The following TENM3 variants were observed in gnomAD, a reference collection of about 807,000 sequenced individuals.
TENM3 encodes teneurin transmembrane protein 3.
TENM3 carries 63 observed loss-of-function variants against 255.1 expected under a neutral mutation model. The observed-to-expected ratio is 0.25, with a 90% CI of 0.20 to 0.30. The LOEUF is 0.30. Among genes scored for constraint, TENM3 ranks in the 10% least tolerant of loss-of-function variants. TENM3 has a pLI of 1.00. For synonymous variants in TENM3, 1,306 were observed against 1,322.3 expected, an observed-to-expected ratio of 0.99 and a Z score of 0.27; for missense variants, 2,929 against 3,461.1, an observed-to-expected ratio of 0.85 and a Z score of 3.86.
chr4:182,700,255 G>T (rs1403274180), intron 12 of TENM3, among the ~76,000 whole-genome samples: 1 of 152,186 alleles, frequency 6.6e-6, no homozygotes, highest in Non-Finnish European at 1.5e-5. Flanking sequence ...TTTAATGTAA[G>T]GGTAGAGAAA....
chr4:182,458,842 T>C (rs1213637899), intron 3 of TENM3, among the ~76,000 whole-genome samples: 1 of 152,178 alleles, frequency 6.6e-6, no homozygotes, highest in Non-Finnish European at 1.5e-5. Flanking sequence ...AGGAGTGTGC[T>C]TACTCACCAG....
rs1030829055 is a variant in TENM3 at position 182,527,412 on chromosome 4, C to T, written c.512-73512C>T. On this transcript the variant is annotated intron_variant, in intron 3 of 27. Coordinates refer to ENST00000511685, the MANE Select transcript of TENM3 (RefSeq NM_001080477.4). Reference sequence around the variant, plus strand: ...CGTTAGACTTTAAATGAAGGAAAGGCTCGTGATTGTGTTACTAAAACAAAC... The same window carrying T: ...CGTTAGACTTTAAATGAAGGAAAGGTTCGTGATTGTGTTACTAAAACAAAC... Among the ~76,000 whole-genome samples the T allele has an allele frequency of 6.6e-5, 10 of 151,566 alleles. No homozygotes were observed. The East Asian group carries it at 1.7e-3, about 27-fold the overall frequency.
At chr4:182,624,103 C>T (rs778388294) in intron 4 of TENM3, among the ~76,000 whole-genome samples, 1 of 152,144 alleles carries the variant, frequency 6.6e-6, no homozygotes, top group Non-Finnish European at 1.5e-5. Flanking sequence ...AGGAATCACG[C>T]GGGGAGGCCA....
intron 1 of TENM3, among the ~76,000 whole-genome samples, chr4:182,193,795 A>T (rs1217098242): frequency 6.6e-6 from 1 of 152,204 alleles, no homozygotes; most frequent in African/African-American, 2.4e-5. Context: ...CCATTTTAGC[A>T]TAGATTTGAA....
rs553878281 is a variant in TENM3 at position 182,789,064 on chromosome 4, A to AT, written c.5305-25dup. The AT allele has an allele frequency of 2.5e-4, 396 of 1,566,682 alleles. 2 individuals are homozygous for AT. The African/African-American group carries it at 4.9e-3, about 19-fold the overall frequency. ...CTCCGGTGTTGGAATAACATGATTT[A>AT]TTTTATCATCTTGTTGGTGTTGTAA... is the stretch of plus-strand genomic sequence containing the variant. On this transcript the variant is annotated intron_variant, in intron 24 of 27. Transcript: ENST00000511685. The surrounding 1 kb of genome is among the most constrained non-coding windows in gnomAD (Gnocchi z 4.4).
chr4:182,080,298 G>A, the TENM3 span, among the ~76,000 whole-genome samples: 1 of 151,928 alleles, frequency 6.6e-6, no homozygotes, highest in African/African-American at 2.4e-5. Context: ...CAATTACACA[G>A]CCATTAAAAA....
chr4:181,822,993 C>T, the TENM3 span, among the ~76,000 whole-genome samples: 68 of 151,990 alleles, frequency 4.5e-4, no homozygotes, highest in South Asian at 5.4e-3. Flanking sequence ...AAAAAAAAGG[C>T]GGAGGGAGAA....
At chr4:181,448,451 G>C in the TENM3 span, among the ~76,000 whole-genome samples, 1 of 152,018 alleles carries the variant, frequency 6.6e-6, no homozygotes, top group Non-Finnish European at 1.5e-5. Flanking sequence ...GATTACAGGC[G>C]TGAGCCACCG....
the TENM3 span, among the ~76,000 whole-genome samples, chr4:181,642,645 GAGTTAATCCAT>G: frequency 3.3e-5 from 5 of 151,978 alleles, no homozygotes; most frequent in African/African-American, 1.2e-4. Flanking sequence ...GTTAATTTTT[GAGTTAATCCAT>G]TTTGAGTTAA....
chr4:182,074,181 T>A, the TENM3 span, among the ~76,000 whole-genome samples: 1 of 152,082 alleles, frequency 6.6e-6, no homozygotes, highest in African/African-American at 2.4e-5. Context: ...ATAAAACACA[T>A]GTAACCAGAT....
At chr4:181,838,428 G>A in the TENM3 span, among the ~76,000 whole-genome samples, 1 of 152,132 alleles carries the variant, frequency 6.6e-6, no homozygotes, top group Non-Finnish European at 1.5e-5. Flanking sequence ...TCTGGAATTT[G>A]CTGACTTCAT....
chr4:181,726,390 C>A, the TENM3 span, among the ~76,000 whole-genome samples: 37,805 of 151,828 alleles, frequency 0.25, 4,850 homozygotes, highest in Middle Eastern at 0.32. Flanking sequence ...TTCACATATA[C>A]GCTTTATACT....
intron 4 of TENM3, among the ~76,000 whole-genome samples, chr4:182,607,412 C>T (rs1328967701): frequency 2.0e-5 from 3 of 152,056 alleles, no homozygotes; most frequent in Non-Finnish European, 2.9e-5. Flanking sequence ...TAGGTAGGAA[C>T]GCCCAGACTG....
chr4:181,915,891 G>A, the TENM3 span, among the ~76,000 whole-genome samples: 1 of 152,162 alleles, frequency 6.6e-6, no homozygotes, highest in Non-Finnish European at 1.5e-5. Flanking sequence ...GTACCCAGCA[G>A]GCATTAGGGA....
At chr4:181,517,620 T>C in the TENM3 span, among the ~76,000 whole-genome samples, 4 of 152,190 alleles carry the variant, frequency 2.6e-5, no homozygotes, top group African/African-American at 7.2e-5. Flanking sequence ...AGTTTTACAA[T>C]TGGTTTGTTC....
intron 3 of TENM3, among the ~76,000 whole-genome samples, chr4:182,381,205 A>T (rs763621625): frequency 6.6e-6 from 1 of 152,220 alleles, no homozygotes; most frequent in Non-Finnish European, 1.5e-5. Context: ...GACAGGGGGA[A>T]GTCACAGAAA....
chr4:181,766,735 C>A, the TENM3 span, among the ~76,000 whole-genome samples: 3 of 149,146 alleles, frequency 2.0e-5, no homozygotes, highest in African/African-American at 2.5e-5. Flanking sequence ...GGGACCCTGA[C>A]ATAAAGTATG....
At chr4:182,271,095 T>C (rs538127147) in intron 1 of TENM3, among the ~76,000 whole-genome samples, 6 of 152,218 alleles carry the variant, frequency 3.9e-5, no homozygotes, top group African/African-American at 1.2e-4. Context: ...ATTTTAAAAC[T>C]ATAGTTCAGG....
chr4:181,851,615 C>T, the TENM3 span, among the ~76,000 whole-genome samples: 9 of 152,072 alleles, frequency 5.9e-5, no homozygotes, highest in South Asian at 2.1e-4. Context: ...CACACACGCA[C>T]GCACGCACAC....
Sources: allele counts gnomAD v4.1 joint callset (sites outside exome capture counted in the v4.1 genomes callset), GRCh38; gene constraint gnomAD v4.1.1; non-coding constraint Gnocchi (gnomAD v3.1); transcripts MANE v1.5; gene names NCBI Gene and HGNC (gene_info 2026-07-23, HGNC 2026-07-21).